Variants in DOCK5 observed in about 807,000 individuals in gnomAD.
DOCK5 encodes dedicator of cytokinesis protein 5.
DOCK5 carries 142 observed loss-of-function variants against 251.8 expected under a neutral mutation model. That is an observed-to-expected ratio of 0.56 (90% confidence interval 0.49 to 0.65). The LOEUF (loss-of-function observed/expected upper bound fraction) is 0.65, where lower values mean the gene tolerates loss of function less well. DOCK5 is among the 30% of genes least tolerant of loss of function. The pLI, the probability that DOCK5 is intolerant of heterozygous loss-of-function variation, is 0.00. For synonymous variants in DOCK5, 842 were observed against 835.5 expected (o/e 1.01, Z -0.13); for missense variants, 2,111 against 2,312.3 (o/e 0.91, Z 1.79).
intron 37 of DOCK5, chr8:25,376,733 T>G (rs1800969424): frequency 6.6e-6 from 1 of 152,280 alleles, no homozygotes; most frequent in Admixed American, 6.5e-5. Context: ...TTTCTGCATA[T>G]AAGTCTTGCA....
intron 2 of DOCK5, among the ~76,000 whole-genome samples, chr8:25,257,284 G>T (rs1803444926): frequency 6.6e-6 from 1 of 152,040 alleles, no homozygotes; most frequent in Non-Finnish European, 1.5e-5. Context: ...GGCCTTTCAT[G>T]TACTGCCTCT....
At chr8:25,293,443 A>G (rs1366646478) in intron 6 of DOCK5, among the ~76,000 whole-genome samples, 1 of 152,206 alleles carries the variant, frequency 6.6e-6, no homozygotes, top group African/African-American at 2.4e-5. Context: ...CTTGATTATA[A>G]TCTTAAAACA....
intron 5 of DOCK5, 56 bp downstream of exon 5, chr8:25,278,721 A>C: frequency 1.3e-6 from 2 of 1,537,196 alleles, no homozygotes; most frequent in Non-Finnish European, 1.8e-6. Flanking sequence ...CTCAGCCTGT[A>C]GGTCCTTTGC....
chr8:25,404,158 T>C (rs1365539855), intron 48 of DOCK5, among the ~76,000 whole-genome samples: 1 of 152,180 alleles, frequency 6.6e-6, no homozygotes, highest in African/African-American at 2.4e-5. Context: ...TTCAGGTTCT[T>C]GGTAGCCCCA....
intron 33 of DOCK5, 33 bp downstream of exon 33, chr8:25,368,758 A>G: frequency 6.3e-7 from 1 of 1,596,410 alleles, no homozygotes; most frequent in Non-Finnish European, 8.6e-7. Flanking sequence ...ATATTAGTAA[A>G]TGGACATATA....
At chr8:25,304,175 G>C in intron 10 of DOCK5, 80 bp from the exon 11 acceptor site, 1 of 1,220,698 alleles carries the variant, frequency 8.2e-7, no homozygotes, top group African/African-American at 1.5e-5. Context: ...TTTGATGTTT[G>C]CTGATACTGT....
At position 25,364,698 on chromosome 8, in the gene DOCK5, A is replaced by G; in HGVS notation, c.3117A>G (p.Glu1039=). 1 of 1,590,186 alleles carries G rather than the reference A, an allele frequency of 6.3e-7. No homozygotes were observed. Among genetic ancestry groups the G allele is most frequent in the Non-Finnish European group, 8.6e-7 (1 of 1,165,840 alleles). ...TRFFMDQASF[E]LQLWNNYFHL... ...TCTTCATGGATCAGGCAAGCTTTGA[A>G]CTTCAGGTAGGCATGTGACTCACCT... Residue 1039 remains glutamate (E), a synonymous_variant, in exon 30 of 52, where the codon GAA becomes GAG. Coordinates refer to ENST00000276440, the MANE Select transcript of DOCK5 (RefSeq NM_024940.8).
At chr8:25,395,424 C>A in intron 44 of DOCK5, 119 bp from the exon 45 acceptor site, 1 of 1,133,364 alleles carries the variant, frequency 8.8e-7, no homozygotes, top group Non-Finnish European at 1.3e-6. Context: ...ATTAGCAAAT[C>A]TTCCCTTTTC....
intron 1 of DOCK5, among the ~76,000 whole-genome samples, chr8:25,188,826 T>A (rs1801498126): frequency 6.6e-6 from 1 of 152,182 alleles, no homozygotes; most frequent in South Asian, 2.1e-4. Flanking sequence ...TTTTTCTTTC[T>A]TTGTTTCTCT....
In DOCK5 at chr8:25,410,200, G is replaced by A. The variant is rs35688737; in HGVS notation, c.5506G>A (p.Glu1836Lys). The change falls in exon 51 of 52, where the codon GAG (glutamate) becomes AAG (lysine). Residue 1836 changes from glutamate to lysine, a missense_variant and splice_region_variant. Glu to Lys is a moderately conservative substitution (Grantham distance 56). Coordinates refer to ENST00000276440, the MANE Select transcript of DOCK5 (RefSeq NM_024940.8). ...TGAAGGCAGCCAGAGGAACTCCACT[G>A]AGGTAGGGAAATCACAGCTGGCAAC... is the stretch of plus-strand genomic sequence containing the variant. Reference protein sequence around the residue: ...PYEGSQRNSTELAPPLPVRRE... With the variant: ...PYEGSQRNSTKLAPPLPVRRE... 5.0e-6 allele frequency: 8 copies of A among 1,613,016 alleles called. No individual in the cohort carries two copies. The African/African-American group carries it at 9.4e-5, about 19-fold the overall frequency.
At chr8:25,346,155 G>T (rs1195381574) in intron 26 of DOCK5, among the ~76,000 whole-genome samples, 2 of 151,426 alleles carry the variant, frequency 1.3e-5, no homozygotes, top group Non-Finnish European at 2.9e-5. Flanking sequence ...CAGCCCCTGT[G>T]ACTATTCTTA....
chr8:25,266,913 T>G (rs1413232773), intron 2 of DOCK5, among the ~76,000 whole-genome samples: 2 of 152,210 alleles, frequency 1.3e-5, no homozygotes, highest in Non-Finnish European at 2.9e-5. Flanking sequence ...TGCAAAATAC[T>G]GTTTACAAAC....
At chr8:25,284,643 G>A (rs939286136) in intron 5 of DOCK5, among the ~76,000 whole-genome samples, 2 of 152,322 alleles carry the variant, frequency 1.3e-5, no homozygotes, top group Admixed American at 6.5e-5. Flanking sequence ...GCTTCCACAC[G>A]GCTGAGGTGG....
intron 9 of DOCK5, among the ~76,000 whole-genome samples, chr8:25,301,659 G>A (rs562817418): frequency 5.6e-4 from 84 of 150,368 alleles, no homozygotes; most frequent in African/African-American, 2.0e-3. Flanking sequence ...GAGCCTAGAC[G>A]TTCAAGGCCA....
At position 25,331,781 on chromosome 8, in the gene DOCK5, CAT is replaced by C. The variant is rs746849662; in HGVS notation, c.1904-450_1904-449del. Among the ~76,000 whole-genome samples the C allele has an allele frequency of 3.5e-3, 462 of 131,180 alleles. 2 individuals are homozygous for C. The highest frequency in any genetic ancestry group is 0.011 in the African/African-American group (390 of 34,226). 86.1% of individuals were successfully genotyped at this position (131,180 alleles called of 152,430 possible). A position where few individuals can be genotyped will look rare whatever the true frequency, so the allele number is the denominator to read the frequency against. ...GTCATGATGTTGAAATAAATTAATG[CAT>C]ATATATATATATATATATAGAGAGA... On this transcript the variant is annotated intron_variant, in intron 18 of 51. Transcript: ENST00000276440.
chr8:25,321,399 A>G (rs1805421431), intron 16 of DOCK5, among the ~76,000 whole-genome samples: 1 of 152,218 alleles, frequency 6.6e-6, no homozygotes, highest in Admixed American at 6.5e-5. Flanking sequence ...AGCACATTAC[A>G]TTTATTGTTT....
intron 4 of DOCK5, among the ~76,000 whole-genome samples, chr8:25,276,792 A>G (rs936595251): frequency 3.3e-5 from 5 of 152,234 alleles, no homozygotes; most frequent in African/African-American, 7.2e-5. Flanking sequence ...TAGATCTGTT[A>G]TCCAAAACTC....
chr8:25,257,487 T>C (rs1489239813), intron 2 of DOCK5, among the ~76,000 whole-genome samples: 2 of 152,204 alleles, frequency 1.3e-5, no homozygotes, highest in Non-Finnish European at 2.9e-5. Context: ...CGTTTATACT[T>C]TTGGACACGA....
chr8:25,355,484 CTG>C (rs1407722929), intron 27 of DOCK5, among the ~76,000 whole-genome samples: 2 of 152,198 alleles, frequency 1.3e-5, no homozygotes, highest in East Asian at 3.9e-4. Flanking sequence ...GGGTGTCACT[CTG>C]TCAGCCAGGC....
Sources: gnomAD v4.1 joint callset for allele counts (sites outside exome capture counted in the v4.1 genomes callset) on GRCh38, gnomAD v4.1.1 for gene constraint, MANE v1.5 for transcripts, NCBI Gene and HGNC (gene_info 2026-07-23, HGNC 2026-07-21) for gene names.